Variants in ENO3 observed in about 807,000 individuals in gnomAD.
The protein encoded by ENO3 is beta-enolase.
Under a neutral mutation model 47.7 loss-of-function variants are expected in ENO3, and 46 were observed. The ratio of observed to expected loss-of-function variants is 0.96; its 90% CI spans 0.76 to 1.23. The LOEUF (loss-of-function observed/expected upper bound fraction) is 1.23. ENO3 is among the 50% of genes most tolerant of loss of function. The pLI is 0.00. For synonymous variants in ENO3, 223 were observed against 225.9 expected, an observed-to-expected ratio of 0.99 and a Z score of 0.11; for missense variants, 575 against 566.2, an observed-to-expected ratio of 1.02 and a Z score of -0.16.
chr17:4,951,575 G>A (rs964676292), intron 1 of ENO3: 2 of 490,326 alleles, frequency 4.1e-6, no homozygotes, highest in Admixed American at 3.2e-5. Context: ...GGAGGTGGGG[G>A]CTTGGTGAGC....
chr17:4,956,586 C>T lies in ENO3; in HGVS notation c.1081C>T (p.Gln361Ter). Residue 361 changes from glutamine (Q) to a stop codon, truncating the protein, a stop_gained, in exon 10 of 12, where the codon CAG becomes TAG. Transcript: ENST00000519602. LOFTEE classifies it high-confidence loss of function. ...CTCTCCACTCAGGTGCAAACTGGCT[C>T]AGTCTAATGGCTGGGGGGTGATGGT... ...TESIQACKLA[Q>*]SNGWGVMVSH... is the part of the protein sequence containing the mutation. 6.2e-7 allele frequency: 1 copy of T among 1,614,176 alleles called. No homozygotes were observed. Among genetic ancestry groups the T allele is most frequent in the Non-Finnish European group, 8.5e-7 (1 of 1,180,034 alleles).
At chr17:4,953,946 C>T in intron 6 of ENO3, 101 bp downstream of exon 6, 1 of 1,567,174 alleles carries the variant, frequency 6.4e-7, no homozygotes, top group Non-Finnish European at 8.7e-7. Context: ...CAGACCAGCT[C>T]CTAAGAAGCA....
chr17:4,954,509 A>G (rs878955037), intron 6 of ENO3, among the ~76,000 whole-genome samples: 2 of 152,234 alleles, frequency 1.3e-5, no homozygotes, highest in Non-Finnish European at 2.9e-5. Context: ...GTGCTATATA[A>G]AAGTGTTAGC....
intron 1 of ENO3, 150 bp from the exon 2 acceptor site, chr17:4,951,678 G>A (rs1597695728): frequency 2.5e-6 from 2 of 803,658 alleles, no homozygotes; most frequent in Non-Finnish European, 4.2e-6. Context: ...AGGGGGCTGC[G>A]CCTGCCTCTT....
intron 8 of ENO3, 124 bp downstream of exon 8, chr17:4,955,728 C>G: frequency 6.9e-7 from 1 of 1,452,868 alleles, no homozygotes; most frequent in Non-Finnish European, 9.6e-7. Flanking sequence ...ATTAAAATCC[C>G]CATTTAAGCT....
Position 4,955,271 on chromosome 17 carries a change from C to T in ENO3, c.641C>T (p.Ala214Val), listed in dbSNP as rs2038871025. The T allele has an allele frequency of 1.9e-6, 3 of 1,614,270 alleles. No homozygotes were observed. Among genetic ancestry groups the T allele is most frequent in the Non-Finnish European group, 1.7e-6 (2 of 1,180,046 alleles). Residue 214 changes from alanine to valine, a missense_variant, in exon 7 of 12, where the codon GCA (alanine) becomes GTA (valine). Physicochemically the swap from Ala to Val is moderately conservative, Grantham distance 64 (BLOSUM62 0). Coordinates refer to ENST00000519602, the MANE Select transcript of ENO3 (RefSeq NM_053013.4). ...ATNVGDEGGF[A>V]PNILENNEAL... ...AATGTGGGTGATGAAGGTGGCTTCG[C>T]ACCCAACATCCTGGAGAACAATGAG...
At chr17:4,951,374 A>C (rs976650457) in intron 1 of ENO3, 192 bp downstream of exon 1, 21 of 847,396 alleles carry the variant, frequency 2.5e-5, no homozygotes, top group Non-Finnish European at 3.0e-5. Context: ...TAGGGAAAGG[A>C]GGCTGTGAGG....
At position 4,955,395 on chromosome 17, in the gene ENO3, G is replaced by A. The variant is rs1971689757; in HGVS notation, c.668-12G>A. The stretch of plus-strand genomic sequence containing the variant: ...CACTGGAGTCTCAGGTCCTTTCTTG[G>A]TCCTCCCCCAGCCCTGGAGCTGCTG... On this transcript the variant is annotated splice_polypyrimidine_tract_variant and intron_variant, in intron 7 of 11. Transcript: ENST00000519602. 6.2e-7 allele frequency: 1 copy of A among 1,614,114 alleles called. No homozygotes were observed. Among genetic ancestry groups the A allele is most frequent in the South Asian group, 1.1e-5 (1 of 91,094 alleles).
Position 4,957,068 on chromosome 17 carries a change from T to G in ENO3, c.*21T>G, listed in dbSNP as rs745438519. ...AGTGAGAAGCTGGAGGCTCCAGGAC[T>G]CCACTGGACAGACCCAGGTCTTCCA... On this transcript the variant is annotated 3_prime_UTR_variant, in exon 12 of 12. Transcript: ENST00000519602. 7.4e-6 allele frequency: 12 copies of G among 1,613,756 alleles called. No individual in the cohort carries two copies. The highest frequency in any genetic ancestry group is 9.3e-6 in the Non-Finnish European group (11 of 1,180,004).
upstream of ENO3, chr17:4,950,517 C>A: frequency 2.0e-6 from 2 of 977,926 alleles, no homozygotes; most frequent in Non-Finnish European, 2.4e-6. Context: ...CCTTGCCAGC[C>A]GAAAGGGCCT....
upstream of ENO3, chr17:4,950,930 A>G: frequency 1.4e-6 from 1 of 737,552 alleles, no homozygotes; most frequent in Non-Finnish European, 1.7e-6. Flanking sequence ...GGAGACAGAA[A>G]GTGGGGGATA....
At chr17:4,953,390 G>T (rs765166893) in intron 5 of ENO3, 49 bp downstream of exon 5, 4 of 1,612,488 alleles carry the variant, frequency 2.5e-6, no homozygotes, top group Non-Finnish European at 2.5e-6. Flanking sequence ...GGGAGAGATG[G>T]CGAGAGGCCA....
chr17:4,952,681 T>C lies in ENO3; in HGVS notation c.86-114T>C, dbSNP rs1043290996. 8 of 1,078,910 alleles carry C rather than the reference T, an allele frequency of 7.4e-6. No individual in the cohort carries two copies. The African/African-American group carries it at 7.8e-5, about 11-fold the overall frequency. The allele number at this position is 1,078,910 out of a possible 1,614,324, so 66.8% of individuals were successfully genotyped here. ...TTCGCCATGTTAGCCAGGCTGGTCT[T>C]GAACTCCTGATCTCAAGTGATCCAC... On this transcript the variant is annotated intron_variant, in intron 2 of 11. Coordinates refer to ENST00000519602, the MANE Select transcript of ENO3 (RefSeq NM_053013.4).
At chr17:4,956,440 T>C (rs541985644) in intron 9 of ENO3, 133 bp from the exon 10 acceptor site, 1 of 916,270 alleles carries the variant, frequency 1.1e-6, no homozygotes, top group East Asian at 2.4e-5. Context: ...CTCTCCTACT[T>C]CCCAAAGAAC....
upstream of ENO3, among the ~76,000 whole-genome samples, chr17:4,949,481 G>A (rs574888149): frequency 6.6e-6 from 1 of 152,252 alleles, no homozygotes; most frequent in Non-Finnish European, 1.5e-5. Context: ...GGCTTAACAG[G>A]CGGGGCTATT....
At position 4,952,869 on chromosome 17, in the gene ENO3, A is replaced by G. The variant is rs1287117405; in HGVS notation, c.160A>G (p.Lys54Glu). 6.2e-7 allele frequency: 1 copy of G among 1,612,612 alleles called. No individual in the cohort carries two copies. The highest frequency in any genetic ancestry group is 8.5e-7 in the Non-Finnish European group (1 of 1,179,220). Reference sequence around the variant, plus strand: ...GGCTCTGGAACTAAGAGACGGAGACAAAGGCCGCTACCTGGGGAAAGGTGA... The same window carrying G: ...GGCTCTGGAACTAAGAGACGGAGACGAAGGCCGCTACCTGGGGAAAGGTGA... ...YEALELRDGDKGRYLGKGVLK... is the reference protein window; with the variant it reads ...YEALELRDGDEGRYLGKGVLK... Residue 54 changes from lysine to glutamate, a missense_variant, in exon 3 of 12, where the codon AAA becomes GAA. Transcript: ENST00000519602.
chr17:4,955,172 C>A lies in ENO3; in HGVS notation c.542C>A (p.Ala181Asp). ...GTGGGAGCCAGCTCCTTCAAGGAAG[C>A]CATGCGCATTGGCGCCGAGGTCTAC... ...LPVGASSFKE[A>D]MRIGAEVYHH... The change falls in exon 7 of 12, where the codon GCC becomes GAC. Residue 181 changes from alanine (A) to aspartate (D), a missense_variant. Coordinates refer to ENST00000519602, the MANE Select transcript of ENO3 (RefSeq NM_053013.4). 2 of 1,614,206 alleles carry A rather than the reference C, an allele frequency of 1.2e-6. No individual in the cohort carries two copies. Among genetic ancestry groups the A allele is most frequent in the Non-Finnish European group, 1.7e-6 (2 of 1,180,028 alleles).
intron 5 of ENO3, 58 bp from the exon 6 acceptor site, chr17:4,953,654 T>C: frequency 6.2e-7 from 1 of 1,613,940 alleles, no homozygotes; most frequent in Non-Finnish European, 8.5e-7. Context: ...CTTCCTGGAG[T>C]AGCCACCCCA....
chr17:4,950,462 C>T, upstream of ENO3: 4 of 712,172 alleles, frequency 5.6e-6, no homozygotes, highest in Non-Finnish European at 6.9e-6. Flanking sequence ...ACCGACAGTC[C>T]CCACGCCGGG....
Sources: gnomAD v4.1 joint callset for allele counts (sites outside exome capture counted in the v4.1 genomes callset) on GRCh38, gnomAD v4.1.1 for gene constraint, MANE v1.5 for transcripts, NCBI Gene and HGNC (gene_info 2026-07-23, HGNC 2026-07-21) for gene names.